The following NFIA variants were observed in gnomAD, a reference collection of about 807,000 sequenced individuals.
NFIA encodes the protein nuclear factor 1 A-type.
A neutral mutation model predicts 62.8 loss-of-function variants in NFIA; 8 were observed. That is an observed-to-expected ratio of 0.13 (90% CI 0.07 to 0.23). The LOEUF (loss-of-function observed/expected upper bound fraction) is 0.23. Among genes scored for constraint, NFIA ranks in the 10% least tolerant of loss-of-function variants. The pLI is 1.00. For synonymous variants in NFIA, 235 were observed against 238.1 expected (o/e 0.99, Z 0.12); for missense variants, 410 against 642.1 (o/e 0.64, Z 3.91).
intron 10 of NFIA, among the ~76,000 whole-genome samples, chr1:61,431,505 CCAAA>C (rs1340695354): frequency 9.8e-5 from 15 of 152,350 alleles, no homozygotes; most frequent in African/African-American, 3.6e-4. Flanking sequence ...CTATTTAAAA[CCAAA>C]TTACCATTTG....
At chr1:61,083,112 G>A (rs1476119736) in intron 1 of NFIA, among the ~76,000 whole-genome samples, 1 of 152,160 alleles carries the variant, frequency 6.6e-6, no homozygotes, top group Admixed American at 6.5e-5. Flanking sequence ...AATTAATATC[G>A]GGGCGACGGA....
intron 4 of NFIA, among the ~76,000 whole-genome samples, chr1:61,338,168 T>G (rs1049931266): frequency 2.7e-4 from 41 of 152,304 alleles, no homozygotes; most frequent in African/African-American, 9.6e-4. Flanking sequence ...CTCAGTACAC[T>G]GTGGCCAGCC....
chr1:61,081,663 G>T (rs183372164), upstream of NFIA: 163 of 497,474 alleles, frequency 3.3e-4, 1 homozygote, highest in African/African-American at 2.8e-3. Context: ...TCCTGGGAGG[G>T]ATAACGCTCA....
intron 2 of NFIA, among the ~76,000 whole-genome samples, chr1:61,126,462 A>ACACACAGACACACACT (rs1646970710): frequency 6.9e-6 from 1 of 145,820 alleles, no homozygotes; most frequent in South Asian, 2.2e-4. Context: ...ACACACACAC[A>ACACACAGACACACACT]CACACACACA....
At chr1:61,248,907 T>C (rs1411022634) in intron 2 of NFIA, 1 of 152,228 alleles carries the variant, frequency 6.6e-6, no homozygotes, top group Non-Finnish European at 1.5e-5. Flanking sequence ...AAAGGTAGCA[T>C]CTCATGGTCC....
At chr1:61,153,950 C>A (rs939137840) in intron 2 of NFIA, among the ~76,000 whole-genome samples, 2 of 152,134 alleles carry the variant, frequency 1.3e-5, no homozygotes, top group Non-Finnish European at 2.9e-5. Context: ...TACATTTTCT[C>A]CCTTTAGTCA....
chr1:61,310,451 C>T (rs965700883), intron 3 of NFIA, among the ~76,000 whole-genome samples: 1 of 152,152 alleles, frequency 6.6e-6, no homozygotes, highest in African/African-American at 2.4e-5. Context: ...CTCTCCCTCG[C>T]TTGTCAAAAT....
chr1:61,329,247 C>T (rs112734557), intron 3 of NFIA, among the ~76,000 whole-genome samples: 11,185 of 149,006 alleles, frequency 0.075, 528 homozygotes, highest in East Asian at 0.2. Flanking sequence ...TGGGTTTTAC[C>T]GTATTAGCCA....
At chr1:61,405,061 C>T (rs1423551046) in intron 8 of NFIA, among the ~76,000 whole-genome samples, 1 of 152,172 alleles carries the variant, frequency 6.6e-6, no homozygotes, top group East Asian at 1.9e-4. Context: ...TCCTTTTCTA[C>T]TAATAACTGT....
intron 3 of NFIA, among the ~76,000 whole-genome samples, chr1:61,330,559 G>C (rs1265088106): frequency 6.6e-6 from 1 of 151,806 alleles, no homozygotes; most frequent in African/African-American, 2.4e-5. Flanking sequence ...AACCAGGAGA[G>C]GGTGGTAATT....
Position 61,089,945 on chromosome 1 carries a change from G to A in NFIA, c.559+1265G>A, listed in dbSNP as rs1370102806. ...TCATCATTTGCATTCTGTTGGCAGG[G>A]GATAGATGAGTATTTTAGAGGATGT... On this transcript the variant is annotated intron_variant, in intron 2 of 10. Transcript: ENST00000403491. 2.6e-5 allele frequency among the ~76,000 whole-genome samples: 4 copies of A among 151,998 alleles called. No individual in the cohort carries two copies. In the South Asian group the frequency reaches 6.2e-4, roughly 24 times the overall value.
At chr1:61,194,925 G>A (rs1303969749) in intron 2 of NFIA, among the ~76,000 whole-genome samples, 1 of 152,152 alleles carries the variant, frequency 6.6e-6, no homozygotes, top group Non-Finnish European at 1.5e-5. Flanking sequence ...CATTTTCAAA[G>A]ATATCTAAGT....
intron 2 of NFIA, among the ~76,000 whole-genome samples, chr1:61,148,944 C>A (rs1648204563): frequency 6.6e-6 from 1 of 152,162 alleles, no homozygotes; most frequent in African/African-American, 2.4e-5. Context: ...ACGATCCTAG[C>A]TCACTACAGC....
intron 5 of NFIA, among the ~76,000 whole-genome samples, chr1:61,354,756 G>A (rs1481721103): frequency 6.6e-6 from 1 of 152,274 alleles, no homozygotes; most frequent in East Asian, 1.9e-4. Flanking sequence ...ATTCCTCCCT[G>A]GCATTTAGTG....
rs568481434 is a variant in NFIA at position 61,155,649 on chromosome 1, C to G, written c.559+66969C>G. On this transcript the variant is annotated intron_variant, in intron 2 of 10. Transcript: ENST00000403491. ...GATTGCGCCACTGCAGTCCGCAGTCCGGCCTGGGCGACAGAGCGAGACTCC... is the reference window on the plus strand; with the variant it reads ...GATTGCGCCACTGCAGTCCGCAGTCGGGCCTGGGCGACAGAGCGAGACTCC... Among the ~76,000 whole-genome samples, 6 of 116,360 alleles carry G rather than the reference C, an allele frequency of 5.2e-5. No individual in the cohort carries two copies. In the East Asian group the frequency reaches 1.4e-3, roughly 26 times the overall value. 76.3% of individuals were successfully genotyped at this position (116,360 alleles called of 152,430 possible).
chr1:61,290,194 A>G (rs1010864819), intron 3 of NFIA, among the ~76,000 whole-genome samples: 1 of 152,178 alleles, frequency 6.6e-6, no homozygotes, highest in Non-Finnish European at 1.5e-5. Context: ...GGTGGAGACT[A>G]TAAAATGAGG....
intron 7 of NFIA, among the ~76,000 whole-genome samples, chr1:61,403,317 G>C (rs1665660339): frequency 6.6e-6 from 1 of 152,110 alleles, no homozygotes; most frequent in Non-Finnish European, 1.5e-5. Flanking sequence ...GAAGTTATTA[G>C]GCACCTCACA....
At chr1:61,134,653 T>C (rs1382725682) in intron 2 of NFIA, among the ~76,000 whole-genome samples, 3 of 152,190 alleles carry the variant, frequency 2.0e-5, no homozygotes, top group Non-Finnish European at 1.5e-5. Flanking sequence ...AATCATGCAT[T>C]TTAACATAGT....
chr1:61,233,092 G>A (rs1654776859), intron 2 of NFIA, among the ~76,000 whole-genome samples: 1 of 152,054 alleles, frequency 6.6e-6, no homozygotes, highest in Non-Finnish European at 1.5e-5. Context: ...TTAAAAAAAT[G>A]TTCTTTCTTT....
Sources: allele counts gnomAD v4.1 joint callset (sites outside exome capture counted in the v4.1 genomes callset), GRCh38; gene constraint gnomAD v4.1.1; transcripts MANE v1.5; gene names NCBI Gene and HGNC (gene_info 2026-07-23, HGNC 2026-07-21).